NAALADL2: variants seen among roughly 807,000 people sequenced by gnomAD.
NAALADL2 encodes the protein inactive N-acetylated-alpha-linked acidic dipeptidase-like protein 2.
Under a neutral mutation model 87.2 loss-of-function variants are expected in NAALADL2, and 76 were observed. The observed-to-expected ratio is 0.87, with a 90% CI of 0.72 to 1.05. The LOEUF (loss-of-function observed/expected upper bound fraction) is 1.05. NAALADL2 is among the 50% of genes least tolerant of loss of function. The pLI, the probability that NAALADL2 is intolerant of heterozygous loss-of-function variation, is 0.00. For synonymous variants in NAALADL2, 354 were observed against 331.0 expected, an observed-to-expected ratio of 1.07 and a Z score of -0.75; for missense variants, 1,089 against 945.8, an observed-to-expected ratio of 1.15 and a Z score of -1.99.
intron 2 of NAALADL2, among the ~76,000 whole-genome samples, chr3:175,137,498 T>C (rs1729286574): frequency 6.6e-6 from 1 of 152,118 alleles, no homozygotes; most frequent in Admixed American, 6.5e-5. Flanking sequence ...TTTTTTAACC[T>C]TAAAATTAAT....
intron 9 of NAALADL2, among the ~76,000 whole-genome samples, chr3:175,508,792 A>T (rs919647009): frequency 2.0e-5 from 3 of 152,012 alleles, no homozygotes; most frequent in African/African-American, 7.2e-5. Context: ...TCATTTTGAA[A>T]GTTTTTTGAA....
At chr3:174,666,774 A>C (rs1051935954) in intron 2 of NAALADL2, among the ~76,000 whole-genome samples, 1 of 152,164 alleles carries the variant, frequency 6.6e-6, no homozygotes. Flanking sequence ...TTGTTCAACA[A>C]AACTCTAGAA....
At chr3:175,004,705 A>T (rs1279869939) in intron 1 of NAALADL2, among the ~76,000 whole-genome samples, 1 of 152,112 alleles carries the variant, frequency 6.6e-6, no homozygotes, top group Non-Finnish European at 1.5e-5. Context: ...TTGATTTCTG[A>T]TGGTTCAATG....
chr3:174,698,184 A>T (rs912715005), intron 2 of NAALADL2, among the ~76,000 whole-genome samples: 1 of 152,148 alleles, frequency 6.6e-6, no homozygotes. Flanking sequence ...GAAATCATTA[A>T]TATTGAGTTT....
chr3:174,969,690 TAA>T (rs1441953026), intron 1 of NAALADL2, among the ~76,000 whole-genome samples: 1 of 152,096 alleles, frequency 6.6e-6, no homozygotes, highest in East Asian at 1.9e-4. Context: ...CCTGCTTCAT[TAA>T]AAGTCTGTGA....
chr3:175,728,418 A>G (rs949369241), intron 11 of NAALADL2, among the ~76,000 whole-genome samples: 15 of 152,164 alleles, frequency 9.9e-5, no homozygotes, highest in Admixed American at 9.8e-4. Context: ...TAACTTGGGT[A>G]TGTCAGGAAT....
intron 1 of NAALADL2, among the ~76,000 whole-genome samples, chr3:175,013,203 TATATA>T (rs1396215654): frequency 1.6e-5 from 2 of 123,612 alleles, no homozygotes; most frequent in Non-Finnish European, 3.3e-5. Flanking sequence ...TATACATAAA[TATATA>T]ATATATATTT....
chr3:174,790,469 G>A (rs901288515), intron 3 of NAALADL2, among the ~76,000 whole-genome samples: 3 of 151,970 alleles, frequency 2.0e-5, no homozygotes, highest in Admixed American at 6.6e-5. Context: ...GGCCAACATG[G>A]TGAAACCCTG....
chr3:175,034,261 G>A (rs1423432300), intron 1 of NAALADL2, among the ~76,000 whole-genome samples: 1 of 152,032 alleles, frequency 6.6e-6, no homozygotes, highest in Non-Finnish European at 1.5e-5. Context: ...GTAAACTCTA[G>A]CCACACCAGC....
intron 2 of NAALADL2, among the ~76,000 whole-genome samples, chr3:175,101,070 A>G (rs1401128416): frequency 2.6e-5 from 4 of 152,060 alleles, no homozygotes; most frequent in Admixed American, 2.6e-4. Context: ...GTTGTAGAAT[A>G]AATGAGTCTC....
At chr3:174,884,755 C>T (rs1385178599) in intron 1 of NAALADL2, among the ~76,000 whole-genome samples, 3 of 152,130 alleles carry the variant, frequency 2.0e-5, no homozygotes, top group Non-Finnish European at 4.4e-5. Context: ...GCCTGTTCTC[C>T]AGATTTCTGT....
chr3:175,509,309 C>T (rs1730805415), intron 9 of NAALADL2, among the ~76,000 whole-genome samples: 1 of 152,156 alleles, frequency 6.6e-6, no homozygotes, highest in Non-Finnish European at 1.5e-5. Flanking sequence ...CTCAGACTTC[C>T]TACCATCAGA....
At chr3:175,669,551 T>A (rs1052267898) in intron 11 of NAALADL2, among the ~76,000 whole-genome samples, 7 of 152,002 alleles carry the variant, frequency 4.6e-5, no homozygotes, top group African/African-American at 1.7e-4. Context: ...TAAATTTGAG[T>A]TTTATTATTA....
intron 9 of NAALADL2, among the ~76,000 whole-genome samples, chr3:175,530,798 G>C (rs747123661): frequency 2.0e-5 from 3 of 152,180 alleles, no homozygotes; most frequent in African/African-American, 7.2e-5. Context: ...GAATTCTACT[G>C]TGCACAACAC....
At chr3:175,308,800 A>G (rs1003144527) in intron 4 of NAALADL2, among the ~76,000 whole-genome samples, 26 of 152,204 alleles carry the variant, frequency 1.7e-4, no homozygotes, top group Non-Finnish European at 1.5e-5. Flanking sequence ...GCAACTGGTA[A>G]TCTATAAACT....
chr3:174,808,802 ATGTG>A (rs1214649651), intron 3 of NAALADL2, among the ~76,000 whole-genome samples: 1 of 151,602 alleles, frequency 6.6e-6, no homozygotes, highest in African/African-American at 2.4e-5. Flanking sequence ...ATTAAAAAAA[ATGTG>A]TGTGTGTGTT....
intron 5 of NAALADL2, among the ~76,000 whole-genome samples, chr3:175,432,421 A>T (rs1717912849): frequency 6.6e-6 from 1 of 151,868 alleles, no homozygotes; most frequent in Non-Finnish European, 1.5e-5. Context: ...TCTTCTTAAA[A>T]CTCCATAAAA....
At chr3:174,931,870 A>G (rs1284877765) in intron 1 of NAALADL2, among the ~76,000 whole-genome samples, 3 of 152,212 alleles carry the variant, frequency 2.0e-5, no homozygotes, top group Non-Finnish European at 4.4e-5. Flanking sequence ...GATAACTTCT[A>G]TTGCATGATG....
At chr3:174,799,006 C>G (rs1052031258) in intron 3 of NAALADL2, among the ~76,000 whole-genome samples, 2 of 151,894 alleles carry the variant, frequency 1.3e-5, no homozygotes, top group Non-Finnish European at 2.9e-5. Context: ...CCTGCCTGTA[C>G]TAAAAATACA....
Sources: gnomAD v4.1 joint callset for allele counts (sites outside exome capture counted in the v4.1 genomes callset) on GRCh38, gnomAD v4.1.1 for gene constraint, MANE v1.5 for transcripts, NCBI Gene and HGNC (gene_info 2026-07-23, HGNC 2026-07-21) for gene names.